ALDH3B2: variants seen among roughly 807,000 people sequenced by gnomAD.
ALDH3B2 encodes aldehyde dehydrogenase 3 family member B2.
ALDH3B2 carries 45 observed loss-of-function variants against 36.7 expected under a neutral mutation model. The observed-to-expected ratio is 1.23, with a 90% CI of 0.97 to 1.57. The LOEUF (loss-of-function observed/expected upper bound fraction) is 1.57. ALDH3B2 is among the 40% of genes most tolerant of loss of function. ALDH3B2 has a pLI of 0.00. For missense variants in ALDH3B2, 464 were observed against 513.3 expected (o/e 0.90, Z 0.93); for synonymous variants, 217 against 226.5 (o/e 0.96, Z 0.38).
rs189262190 is a variant in ALDH3B2, at chr11:67,671,775, G to A, written c.-245+2662C>T. On this transcript the variant is annotated intron_variant, in intron 1 of 9. Coordinates refer to ENST00000349015, the Ensembl canonical transcript of ALDH3B2. ...TGAGGCTGGTCTTGAACTCCTGACC[G>A]CAGGTGATCCGCCCACCTTGGCCTC... is the stretch of plus-strand genomic sequence containing the variant. Among the ~76,000 whole-genome samples, 850 of 150,566 alleles carry A rather than the reference G, an allele frequency of 5.6e-3. 8 individuals are homozygous for A. Among genetic ancestry groups the A allele is most frequent in the South Asian group, 0.019 (89 of 4,730 alleles).
chr11:67,679,034 G>A (rs1856321611), upstream of ALDH3B2, among the ~76,000 whole-genome samples: 1 of 152,224 alleles, frequency 6.6e-6, no homozygotes, highest in South Asian at 2.1e-4. Flanking sequence ...GGAAGAGTGG[G>A]AAGGGGGTGA....
upstream of ALDH3B2, among the ~76,000 whole-genome samples, chr11:67,675,194 T>C (rs1053831875): frequency 1.3e-5 from 2 of 152,138 alleles, no homozygotes; most frequent in Non-Finnish European, 2.9e-5. Context: ...GGATGGCGCA[T>C]TGTTCATTGG....
intron 5 of ALDH3B2, 41 bp downstream of exon 5, chr11:67,666,275 T>C: frequency 6.2e-7 from 1 of 1,612,150 alleles, no homozygotes; most frequent in South Asian, 1.1e-5. Context: ...AGGGGTGATA[T>C]ATGGGGACGT....
chr11:67,672,730 T>G (rs1022990858), intron 1 of ALDH3B2, among the ~76,000 whole-genome samples: 9 of 146,522 alleles, frequency 6.1e-5, no homozygotes, highest in African/African-American at 2.3e-4. Flanking sequence ...GCTGGTATTA[T>G]AGGCATGCGC....
chr11:67,675,524 T>C (rs144035114), upstream of ALDH3B2, among the ~76,000 whole-genome samples: 823 of 152,340 alleles, frequency 5.4e-3, 8 homozygotes, highest in African/African-American at 0.019. Context: ...CACGCCCTGC[T>C]GAGGGCTGTA....
In ALDH3B2 at chr11:67,665,315, C is replaced by T. The variant is rs113681988; in HGVS notation, c.676G>A (p.Gly226Ser). Reference sequence around the variant, plus strand: ...TAGCGATCGCTCTCGTTGCTCTGGCCCCCAATGGCCACGCGGCTGCAGCCC... The same window carrying T: ...TAGCGATCGCTCTCGTTGCTCTGGCTCCCAATGGCCACGCGGCTGCAGCCC... Residue 226 changes from glycine to serine, a missense_variant, in exon 7 of 10, where the codon GGC becomes AGC. Coordinates refer to ENST00000349015, the Ensembl canonical transcript of ALDH3B2. 11 of 1,610,858 alleles carry T rather than the reference C, an allele frequency of 6.8e-6. 1 individual carries two copies. The highest frequency in any genetic ancestry group is 5.3e-5 in the African/African-American group (4 of 75,000).
chr11:67,662,986 A>C, exon 10 of ALDH3B2: 1 of 558,522 alleles, frequency 1.8e-6, no homozygotes, highest in Non-Finnish European at 3.1e-6. Flanking sequence ...GTGAGTGAGG[A>C]CACCTGGCAT....
intron 1 of ALDH3B2, among the ~76,000 whole-genome samples, chr11:67,671,732 G>C (rs1305411253): frequency 6.6e-6 from 1 of 151,406 alleles, no homozygotes; most frequent in African/African-American, 2.4e-5. Context: ...TTTTAGTAGA[G>C]ATGGGGTTTC....
At chr11:67,675,173 C>T (rs1179669877), upstream of ALDH3B2, among the ~76,000 whole-genome samples, 2 of 152,188 alleles carry the variant, frequency 1.3e-5, no homozygotes, top group African/African-American at 4.8e-5. Context: ...GCGACGGCAC[C>T]TGTAGCTCTA....
At chr11:67,666,437 C>T in intron 4 of ALDH3B2, 36 bp from the exon 5 acceptor site, 2 of 1,606,168 alleles carry the variant, frequency 1.2e-6, no homozygotes, top group Non-Finnish European at 8.5e-7. Flanking sequence ...TGGGGGAGCC[C>T]AGGGTCCCCA....
In ALDH3B2 at chr11:67,669,545, T is replaced by C. The variant is rs199514231; in HGVS notation, c.-244-1910A>G. 3.5e-4 allele frequency among the ~76,000 whole-genome samples: 53 copies of C among 151,384 alleles called. No individual in the cohort carries two copies. In the East Asian group the frequency reaches 7.7e-3, roughly 22 times the overall value. On this transcript the variant is annotated intron_variant, in intron 1 of 9. Coordinates refer to ENST00000349015, the Ensembl canonical transcript of ALDH3B2. Reference sequence around the variant, plus strand: ...GTCTGTGTATGTATCAGTGCCTGTGTGTCTATGGGTGTCTGTGTGTCTGTG... The same window carrying C: ...GTCTGTGTATGTATCAGTGCCTGTGCGTCTATGGGTGTCTGTGTGTCTGTG...
intron 1 of ALDH3B2, among the ~76,000 whole-genome samples, chr11:67,680,081 C>T (rs572001103): frequency 1.3e-5 from 2 of 152,108 alleles, no homozygotes; most frequent in South Asian, 2.1e-4. Flanking sequence ...TCTGGGAGGC[C>T]GAGGTGGGTG....
At position 67,666,543 on chromosome 11, in the gene ALDH3B2, G is replaced by T. The variant is rs756154514; in HGVS notation, c.151+31C>A. 4.3e-6 allele frequency: 7 copies of T among 1,613,326 alleles called. No homozygotes were observed. In the South Asian group the frequency reaches 7.7e-5, roughly 18 times the overall value. ...TCTTTGGGAGGGGCTACTGGGCGGGGAGAGCATGGGGTTCGGAACGCCCTC... is the reference window on the plus strand; with the variant it reads ...TCTTTGGGAGGGGCTACTGGGCGGGTAGAGCATGGGGTTCGGAACGCCCTC... On this transcript the variant is annotated intron_variant, in intron 4 of 9. Transcript: ENST00000349015.
intron 6 of ALDH3B2, among the ~76,000 whole-genome samples, 187 bp downstream of exon 6, chr11:67,665,934 GC>G (rs1353669178): frequency 6.6e-6 from 1 of 152,088 alleles, no homozygotes; most frequent in Non-Finnish European, 1.5e-5. Context: ...CTCCAGCCTG[GC>G]CACTCCTGGA....
intron 1 of ALDH3B2, among the ~76,000 whole-genome samples, chr11:67,670,048 GTCTCTATGTGTA>G (rs1856053525): frequency 1.4e-4 from 3 of 20,798 alleles, no homozygotes; most frequent in Admixed American, 7.2e-4. Context: ...GTGTATGGGT[GTCTCTATGTGTA>G]TGGGTGTGTG....
intron 8 of ALDH3B2, 78 bp from the exon 9 acceptor site, chr11:67,663,839 G>A (rs996647969): frequency 1.5e-6 from 2 of 1,294,318 alleles, no homozygotes; most frequent in South Asian, 1.4e-5. Flanking sequence ...CCACAGCGGA[G>A]GTGAGCCTCA....
At chr11:67,662,355 G>A (rs992860490) in exon 10 of ALDH3B2, 1 of 152,254 alleles carries the variant, frequency 6.6e-6, no homozygotes, top group Non-Finnish European at 1.5e-5. Flanking sequence ...TGGTTTTCTG[G>A]TGGAGACGGC....
At chr11:67,662,436 T>C (rs1169896213) in exon 10 of ALDH3B2, 1 of 152,316 alleles carries the variant, frequency 6.6e-6, no homozygotes, top group Non-Finnish European at 1.5e-5. Context: ...ATACGCCCTG[T>C]GTCTGGTCTA....
At chr11:67,666,490 G>C in intron 4 of ALDH3B2, 84 bp downstream of exon 4, 1 of 1,604,530 alleles carries the variant, frequency 6.2e-7, no homozygotes, top group Non-Finnish European at 8.5e-7. Context: ...TGAGGCCCAG[G>C]GTACCTCAGA....
Sources: allele counts gnomAD v4.1 joint callset (sites outside exome capture counted in the v4.1 genomes callset), GRCh38; gene constraint gnomAD v4.1.1; transcripts MANE v1.5; gene names NCBI Gene and HGNC (gene_info 2026-07-23, HGNC 2026-07-21).